Variants in GRK4 observed in about 807,000 individuals in gnomAD.
GRK4 encodes G protein-coupled receptor kinase 4.
A neutral mutation model predicts 77.9 loss-of-function variants in GRK4; 73 were observed. That is an observed-to-expected ratio of 0.94 (90% CI 0.78 to 1.14). GRK4 has a LOEUF of 1.14. Ranked by LOEUF, GRK4 falls within the 50% of genes most tolerant of loss-of-function variation. The probability of loss-of-function intolerance (pLI) is 0.00; values close to 1 mark genes in which losing one functional copy is unlikely to be tolerated. For synonymous variants in GRK4, 257 were observed against 254.4 expected, an observed-to-expected ratio of 1.01 and a Z score of -0.10; for missense variants, 729 against 700.2, an observed-to-expected ratio of 1.04 and a Z score of -0.46.
At chr4:2,970,487 G>A (rs377368924) in intron 1 of GRK4, among the ~76,000 whole-genome samples, 11 of 151,808 alleles carry the variant, frequency 7.2e-5, no homozygotes, top group East Asian at 2.0e-4. Context: ...GTGAAACCCC[G>A]TCTCTACTAA....
intron 8 of GRK4, among the ~76,000 whole-genome samples, chr4:3,014,271 G>A (rs1733781604): frequency 6.7e-6 from 1 of 149,712 alleles, no homozygotes; most frequent in African/African-American, 2.5e-5. Context: ...GGCTGTGCTT[G>A]AGGATACCTT....
intron 8 of GRK4, among the ~76,000 whole-genome samples, chr4:3,018,187 A>C (rs1735097034): frequency 1.3e-5 from 2 of 151,844 alleles, no homozygotes; most frequent in African/African-American, 4.8e-5. Flanking sequence ...CTGGGATTAT[A>C]GGTATGAACC....
intron 4 of GRK4, among the ~76,000 whole-genome samples, chr4:3,003,926 G>T (rs374051225): frequency 6.6e-6 from 1 of 152,208 alleles, no homozygotes; most frequent in South Asian, 2.1e-4. Context: ...GTTTCACCAT[G>T]TTGGCTGGTC....
Position 3,019,640 on chromosome 4 carries a change from G to A in GRK4, c.742-1G>A, listed in dbSNP as rs944472004. On this transcript the variant is annotated splice_acceptor_variant, in intron 8 of 15. Transcript: ENST00000398052. LOFTEE classifies it high-confidence loss of function. ...TGTTTTTATGATGTTGCTGTCTTTA[G>A]GTTAGTTTAGCCTACGCTTATGAAA... 1 of 1,606,594 alleles carries A rather than the reference G, an allele frequency of 6.2e-7. No individual in the cohort carries two copies.
chr4:3,018,968 C>T (rs1057386319), intron 8 of GRK4, among the ~76,000 whole-genome samples: 19 of 152,192 alleles, frequency 1.2e-4, no homozygotes, highest in African/African-American at 4.6e-4. Context: ...CTGGTTTTCC[C>T]TAATTGATCT....
intron 6 of GRK4, 33 bp from the exon 7 acceptor site, chr4:3,009,610 CAATGT>C: frequency 1.3e-6 from 2 of 1,488,224 alleles, no homozygotes; most frequent in South Asian, 1.1e-5. Context: ...AAGAACAATG[CAATGT>C]GAGACCTGAA....
At chr4:3,034,252 A>C (rs905425966) in intron 12 of GRK4, among the ~76,000 whole-genome samples, 2 of 152,194 alleles carry the variant, frequency 1.3e-5, no homozygotes, top group African/African-American at 4.8e-5. Context: ...ACAGCCCAGC[A>C]AGGAGCTGAG....
chr4:3,037,734 G>C (rs934818309), intron 14 of GRK4, among the ~76,000 whole-genome samples: 1 of 152,058 alleles, frequency 6.6e-6, no homozygotes, highest in African/African-American at 2.4e-5. Context: ...GGCCAACATA[G>C]TGAAACCCTG....
intron 7 of GRK4, 80 bp from the exon 8 acceptor site, chr4:3,013,608 A>C: frequency 6.6e-7 from 1 of 1,505,354 alleles, no homozygotes; most frequent in Non-Finnish European, 8.9e-7. Context: ...TGAGGGTCTC[A>C]TCAAGCAAAG....
At chr4:2,983,993 GA>G (rs1303145169) in intron 1 of GRK4, among the ~76,000 whole-genome samples, 1 of 152,044 alleles carries the variant, frequency 6.6e-6, no homozygotes, top group Admixed American at 6.6e-5. Context: ...ACAGCATGGG[GA>G]ATCCGTCCCC....
chr4:3,019,864 G>T lies in GRK4; in HGVS notation c.932+33G>T, dbSNP rs749123882. On this transcript the variant is annotated intron_variant, in intron 9 of 15. Coordinates refer to ENST00000398052, the MANE Select transcript of GRK4 (RefSeq NM_182982.3). ...CGGTGCTACCTAATGGAGCCTGCAA[G>T]TCTTGGAGCCGGTTTCTCCCAGCCC... is the stretch of plus-strand genomic sequence containing the variant. 7.0e-6 allele frequency: 11 copies of T among 1,573,896 alleles called. No individual in the cohort carries two copies. The East Asian group carries it at 2.3e-4, about 32-fold the overall frequency.
chr4:3,031,726 AGCTGACAGAGT>A (rs1294411739), intron 12 of GRK4, among the ~76,000 whole-genome samples: 2 of 152,140 alleles, frequency 1.3e-5, no homozygotes, highest in East Asian at 3.9e-4. Flanking sequence ...CTTGGAGTGG[AGCTGACAGAGT>A]GCTTGCTGGC....
chr4:2,966,763 C>G (rs1377747377), intron 1 of GRK4: 4 of 152,158 alleles, frequency 2.6e-5, no homozygotes, highest in African/African-American at 4.8e-5. Context: ...AGAAAATTAA[C>G]CTTTGAAATG....
At chr4:2,984,095 A>T (rs537562917) in intron 1 of GRK4, among the ~76,000 whole-genome samples, 2 of 152,262 alleles carry the variant, frequency 1.3e-5, no homozygotes, top group East Asian at 3.9e-4. Context: ...CACAGAGCCA[A>T]ACCATATCAC....
intron 1 of GRK4, chr4:2,969,412 T>C (rs1462095282): frequency 5.3e-5 from 8 of 151,698 alleles, no homozygotes; most frequent in Non-Finnish European, 1.2e-4. Context: ...GTTTCGCTCT[T>C]GTTGCCCAGG....
chr4:3,021,564 G>T (rs921885390), intron 9 of GRK4, among the ~76,000 whole-genome samples: 2 of 152,126 alleles, frequency 1.3e-5, no homozygotes, highest in African/African-American at 2.4e-5. Flanking sequence ...TGACACCTCC[G>T]CACCTTGAGC....
intron 4 of GRK4, 49 bp from the exon 5 acceptor site, chr4:3,004,182 A>G (rs1381535338): frequency 2.4e-6 from 3 of 1,264,062 alleles, no homozygotes; most frequent in Admixed American, 1.8e-5. Flanking sequence ...GTTCACTAGT[A>G]AGTTATGAAA....
chr4:3,029,277 G>A lies in GRK4; in HGVS notation c.1137G>A (p.Met379Ile). 1 of 1,614,096 alleles carries A rather than the reference G, an allele frequency of 6.2e-7. No homozygotes were observed. The highest frequency in any genetic ancestry group is 8.5e-7 in the Non-Finnish European group (1 of 1,179,952). The change falls in exon 12 of 16, where the codon ATG (methionine) becomes ATA (isoleucine). Residue 379 changes from methionine to isoleucine, a missense_variant. Physicochemically the swap from Met to Ile is conservative, Grantham distance 10 (BLOSUM62 1). Coordinates refer to ENST00000398052, the MANE Select transcript of GRK4 (RefSeq NM_182982.3). ...WWGLGCLIYE[M>I]IQGHSPFKKY... ...GACTTGGCTGTCTGATCTATGAAAT[G>A]ATTCAGGGACATTCTCCATTCAAAA...
intron 7 of GRK4, among the ~76,000 whole-genome samples, chr4:3,012,488 T>G (rs1733190659): frequency 6.6e-6 from 1 of 152,334 alleles, no homozygotes; most frequent in African/African-American, 2.4e-5. Context: ...CTGTCCTTAT[T>G]ACTTCCAATA....
Sources: allele counts gnomAD v4.1 joint callset (sites outside exome capture counted in the v4.1 genomes callset), GRCh38; gene constraint gnomAD v4.1.1; transcripts MANE v1.5; gene names NCBI Gene and HGNC (gene_info 2026-07-23, HGNC 2026-07-21).